Variants in SNTA1 observed in about 807,000 individuals in gnomAD.
SNTA1 encodes the protein alpha-1-syntrophin.
SNTA1 carries 31 observed loss-of-function variants against 47.1 expected under a neutral mutation model. The ratio of observed to expected loss-of-function variants is 0.66; its 90% CI spans 0.49 to 0.89. The LOEUF is 0.89. SNTA1 is among the 40% of genes least tolerant of loss of function. The pLI is 0.00. For missense variants in SNTA1, 575 were observed against 693.0 expected (o/e 0.83, Z 1.91); for synonymous variants, 300 against 313.6 (o/e 0.96, Z 0.46).
chr20:33,428,201 A>G (rs961567529), intron 2 of SNTA1, among the ~76,000 whole-genome samples: 2 of 152,044 alleles, frequency 1.3e-5, no homozygotes, highest in African/African-American at 4.8e-5. Flanking sequence ...TGAGCTCAGT[A>G]GTTCAAGACC....
At chr20:33,439,498 T>C (rs989583800) in intron 1 of SNTA1, among the ~76,000 whole-genome samples, 1 of 152,056 alleles carries the variant, frequency 6.6e-6, no homozygotes, top group Non-Finnish European at 1.5e-5. Flanking sequence ...TCTCAATAAA[T>C]TAATTAATTA....
intron 2 of SNTA1, among the ~76,000 whole-genome samples, chr20:33,435,598 A>T (rs1183355656): frequency 6.6e-6 from 1 of 152,002 alleles, no homozygotes; most frequent in African/African-American, 2.4e-5. Context: ...GCCTCAAGAA[A>T]AAAACACAGT....
intron 2 of SNTA1, among the ~76,000 whole-genome samples, chr20:33,424,183 G>A (rs754481029): frequency 1.5e-4 from 22 of 149,190 alleles, no homozygotes; most frequent in Non-Finnish European, 2.2e-4. Context: ...ATGTGGTTGC[G>A]CATGCCTGTA....
intron 2 of SNTA1, among the ~76,000 whole-genome samples, chr20:33,423,281 T>C (rs957016359): frequency 6.6e-6 from 1 of 151,724 alleles, no homozygotes; most frequent in African/African-American, 2.4e-5. Context: ...GGGGGTGGGG[T>C]CCTGGGGGCC....
intron 2 of SNTA1, among the ~76,000 whole-genome samples, chr20:33,418,368 C>A (rs1177590207): frequency 1.3e-5 from 2 of 151,804 alleles, no homozygotes; most frequent in Non-Finnish European, 2.9e-5. Flanking sequence ...AATCCTCCCA[C>A]CTCAGCTCCC....
intron 2 of SNTA1, among the ~76,000 whole-genome samples, chr20:33,429,601 G>A (rs1168250694): frequency 2.0e-5 from 3 of 152,004 alleles, no homozygotes; most frequent in African/African-American, 7.3e-5. Flanking sequence ...TTGCACTCCA[G>A]CCTGGCCAAC....
rs1296993150 is a variant in SNTA1 at position 33,407,969 on chromosome 20, C to T, written c.*538G>A. ...CACAGACCACATACACTGGGCCGGGCTGCCTGTGTGCTCACAGGCTGTTTA... is the reference window on the plus strand; with the variant it reads ...CACAGACCACATACACTGGGCCGGGTTGCCTGTGTGCTCACAGGCTGTTTA... On this transcript the variant is annotated 3_prime_UTR_variant, in exon 8 of 8. Coordinates refer to ENST00000217381, the MANE Select transcript of SNTA1 (RefSeq NM_003098.3). 1 of 200,598 alleles carries T rather than the reference C, an allele frequency of 5.0e-6. No individual in the cohort carries two copies. Among genetic ancestry groups the T allele is most frequent in the Non-Finnish European group, 1.0e-5 (1 of 96,446 alleles). The allele number at this position is 200,598 out of a possible 1,614,324, so 12.4% of individuals were successfully genotyped here.
At chr20:33,433,702 C>G (rs1402210637) in intron 2 of SNTA1, among the ~76,000 whole-genome samples, 3 of 152,202 alleles carry the variant, frequency 2.0e-5, no homozygotes, top group Admixed American at 2.0e-4. Context: ...AGGGCCCAGG[C>G]TGGCCCTGGC....
chr20:33,443,116 C>T (rs1462468093), intron 1 of SNTA1, among the ~76,000 whole-genome samples, 195 bp downstream of exon 1: 1 of 151,880 alleles, frequency 6.6e-6, no homozygotes, highest in Admixed American at 6.6e-5. Flanking sequence ...TCTTCCGTGC[C>T]CCCTAAGGCC....
chr20:33,425,680 G>C (rs563298538), intron 2 of SNTA1, among the ~76,000 whole-genome samples: 80 of 151,776 alleles, frequency 5.3e-4, no homozygotes, highest in African/African-American at 1.8e-3. Context: ...AGGAAAGAAA[G>C]AAAGTGGGCC....
In SNTA1 at chr20:33,410,271, G is replaced by C. The variant is rs1250399900; in HGVS notation, c.1101C>G (p.Ala367=). The C allele has an allele frequency of 6.2e-7, 1 of 1,612,434 alleles. No individual in the cohort carries two copies. Among genetic ancestry groups the C allele is most frequent in the East Asian group, 2.2e-5 (1 of 44,866 alleles). ...CACCGTGACGCGTGCCCGTGCGCAG[G>C]GCAAAAGAGAGCTCTGCATCGTAGG... is the stretch of plus-strand genomic sequence containing the variant. ...SVPYDAELSF[A]LRTGTRHGVD... The change falls in exon 6 of 8, where the codon GCC becomes GCG. Residue 367 remains alanine (A), a synonymous_variant. Transcript: ENST00000217381.
intron 1 of SNTA1, among the ~76,000 whole-genome samples, chr20:33,442,690 G>A (rs1026931274): frequency 6.6e-6 from 1 of 152,068 alleles, no homozygotes; most frequent in South Asian, 2.1e-4. Context: ...CCCCACTAGC[G>A]GTCAGTCCTG....
intron 2 of SNTA1, among the ~76,000 whole-genome samples, chr20:33,420,261 G>C (rs1600847019): frequency 6.6e-6 from 1 of 152,106 alleles, no homozygotes; most frequent in East Asian, 1.9e-4. Flanking sequence ...CACACATTGA[G>C]GATGGTGAAG....
rs1356107978 is a variant in SNTA1, at chr20:33,443,486, G to A, written c.135C>T (p.Ala45=). The part of the protein sequence containing the change: ...LAEDVLTVSP[A]DGDPGPEPGA... ...CGGGCTCGGGACCAGGGTCGCCGTC[G>A]GCGGGGCTCACGGTCAGCACGTCCT... The change falls in exon 1 of 8, where the codon GCC becomes GCT. Residue 45 remains alanine (A), a synonymous_variant. Transcript: ENST00000217381. 19 of 1,378,116 alleles carry A rather than the reference G, an allele frequency of 1.4e-5. No individual in the cohort carries two copies. Among genetic ancestry groups the A allele is most frequent in the East Asian group, 3.3e-5 (1 of 30,168 alleles). 85.4% of individuals were successfully genotyped at this position (1,378,116 alleles called of 1,614,324 possible).
At chr20:33,416,905 C>T (rs2146771305) in intron 3 of SNTA1, among the ~76,000 whole-genome samples, 1 of 145,336 alleles carries the variant, frequency 6.9e-6, no homozygotes, top group East Asian at 2.0e-4. Context: ...CATGCCATTG[C>T]ACTCCAACCT....
intron 5 of SNTA1, among the ~76,000 whole-genome samples, chr20:33,411,307 T>G (rs946246458): frequency 6.6e-6 from 1 of 151,510 alleles, no homozygotes; most frequent in Non-Finnish European, 1.5e-5. Context: ...TGCTCCAGCC[T>G]CCTCCCTTTC....
intron 2 of SNTA1, among the ~76,000 whole-genome samples, chr20:33,428,900 G>C (rs1301567354): frequency 1.3e-5 from 2 of 151,906 alleles, no homozygotes; most frequent in Non-Finnish European, 2.9e-5. Flanking sequence ...AATTAGCCAG[G>C]TGTGGTGGCA....
intron 2 of SNTA1, among the ~76,000 whole-genome samples, chr20:33,436,969 A>AG (rs891627355): frequency 2.1e-5 from 3 of 146,260 alleles, no homozygotes; most frequent in Non-Finnish European, 3.0e-5. Context: ...ATCTCAAAAA[A>AG]AAAAAAAAAA....
chr20:33,412,686 G>A lies in SNTA1; in HGVS notation c.798C>T (p.Ala266=). 1 of 1,613,846 alleles carries A rather than the reference G, an allele frequency of 6.2e-7. No individual in the cohort carries two copies. Among genetic ancestry groups the A allele is most frequent in the Non-Finnish European group, 8.5e-7 (1 of 1,179,994 alleles). ...CCCGCGGCGTCAGAGTATTGACCTG[G>A]GCTTGGATGGCAGTCGCCCACGACC... ...SARSWATAIQ[A]QVNTLTPRVK... The change falls in exon 4 of 8, where the codon GCC becomes GCT. Residue 266 remains alanine, a synonymous_variant. Transcript: ENST00000217381.
Sources: allele counts gnomAD v4.1 joint callset (sites outside exome capture counted in the v4.1 genomes callset), GRCh38; gene constraint gnomAD v4.1.1; transcripts MANE v1.5; gene names NCBI Gene and HGNC (gene_info 2026-07-23, HGNC 2026-07-21).